The following MAK16 variants were observed in gnomAD, a reference collection of about 807,000 sequenced individuals.
The protein encoded by MAK16 is MAK16 homolog.
Under a neutral mutation model 49.9 loss-of-function variants are expected in MAK16, and 12 were observed. The observed-to-expected ratio is 0.24, with a 90% CI of 0.15 to 0.39. MAK16 has a LOEUF of 0.39. MAK16 is among the 10% of genes least tolerant of loss of function. MAK16 has a pLI of 1.00. For missense variants in MAK16, 292 were observed against 363.7 expected (o/e 0.80, Z 1.60); for synonymous variants, 115 against 126.4 (o/e 0.91, Z 0.60).
chr8:33,487,657 A>C (rs1808709213), intron 1 of MAK16, among the ~76,000 whole-genome samples: 1 of 144,980 alleles, frequency 6.9e-6, no homozygotes, highest in African/African-American at 2.5e-5. Context: ...TCCCAACCTC[A>C]AGTGATCCGC....
chr8:33,488,279 T>G (rs762269699), intron 1 of MAK16, 99 bp from the exon 2 acceptor site: 242 of 1,271,230 alleles, frequency 1.9e-4, no homozygotes, highest in Non-Finnish European at 2.6e-4. Flanking sequence ...TACAAAACAT[T>G]TCTTCCTCTC....
At position 33,499,933 on chromosome 8, in the gene MAK16, C is replaced by G. The variant is rs1289579468; in HGVS notation, c.*1304C>G. On this transcript the variant is annotated 3_prime_UTR_variant, in exon 10 of 10. Coordinates refer to ENST00000360128, the MANE Select transcript of MAK16 (RefSeq NM_032509.4). ...CTAAAAGATGGTTGTCCCTAAAAAACTGGAAACATCTGAAATGCTCTATTT... is the reference window on the plus strand; with the variant it reads ...CTAAAAGATGGTTGTCCCTAAAAAAGTGGAAACATCTGAAATGCTCTATTT... 6.3e-6 allele frequency: 1 copy of G among 157,922 alleles called. No homozygotes were observed. The highest frequency in any genetic ancestry group is 1.4e-5 in the Non-Finnish European group (1 of 72,108). The allele number at this position is 157,922 out of a possible 1,614,324, so 9.8% of individuals were successfully genotyped here. A position where few individuals can be genotyped will look rare whatever the true frequency, so the allele number is the denominator to read the frequency against.
At chr8:33,491,584 A>C (rs1808779142) in intron 6 of MAK16, among the ~76,000 whole-genome samples, 1 of 150,900 alleles carries the variant, frequency 6.6e-6, no homozygotes, top group South Asian at 2.1e-4. Flanking sequence ...TCTTTTGAAA[A>C]ATGTCTACTC....
chr8:33,494,958 C>T (rs1170954434), intron 6 of MAK16, among the ~76,000 whole-genome samples: 1 of 152,024 alleles, frequency 6.6e-6, no homozygotes, highest in Non-Finnish European at 1.5e-5. Context: ...TTCCATGTGC[C>T]CCTACACAGT....
rs1317279710 is a variant in MAK16, at chr8:33,500,092, C to CA, written c.*1464dup. On this transcript the variant is annotated 3_prime_UTR_variant, in exon 10 of 10. Coordinates refer to ENST00000360128, the MANE Select transcript of MAK16 (RefSeq NM_032509.4). The stretch of plus-strand genomic sequence containing the variant: ...GCCCATACTGTCTCGTCCTTAGCCC[C>CA]AGTGACATGTGCTGATCCTCCTGCC... 3 of 470,930 alleles carry CA rather than the reference C, an allele frequency of 6.4e-6. No homozygotes were observed. Among genetic ancestry groups the CA allele is most frequent in the African/African-American group, 5.9e-5 (3 of 50,786 alleles). The allele number at this position is 470,930 out of a possible 1,614,324, so 29.2% of individuals were successfully genotyped here.
chr8:33,490,388 G>A (rs1563346428), intron 6 of MAK16, 49 bp downstream of exon 6: 1 of 1,495,706 alleles, frequency 6.7e-7, no homozygotes, highest in Non-Finnish European at 9.3e-7. Context: ...CTTTCTGGGG[G>A]TCTCTTATAG....
rs953051504 is a variant in MAK16, at chr8:33,499,126, T to G, written c.*497T>G. The G allele has an allele frequency of 1.4e-6, 2 of 1,461,108 alleles. No individual in the cohort carries two copies. Among genetic ancestry groups the G allele is most frequent in the Non-Finnish European group, 1.9e-6 (2 of 1,041,290 alleles). The allele number at this position is 1,461,108 out of a possible 1,614,324, so 90.5% of individuals were successfully genotyped here. On this transcript the variant is annotated 3_prime_UTR_variant, in exon 10 of 10. Transcript: ENST00000360128. ...TCTTAAATAACTCCATTCATACAAATTGGGATGGGAAGAAAATCCTTTCCT... is the reference window on the plus strand; with the variant it reads ...TCTTAAATAACTCCATTCATACAAAGTGGGATGGGAAGAAAATCCTTTCCT...
chr8:33,500,121 A>G lies in MAK16; in HGVS notation c.*1492A>G. ...GACATGTGCTGATCCTCCTGCCTTTAGTTCTAAATGGTTCTGAATAGCTTT... is the reference window on the plus strand; with the variant it reads ...GACATGTGCTGATCCTCCTGCCTTTGGTTCTAAATGGTTCTGAATAGCTTT... On this transcript the variant is annotated 3_prime_UTR_variant, in exon 10 of 10. Transcript: ENST00000360128. The G allele has an allele frequency of 1.8e-6, 1 of 546,622 alleles. No homozygotes were observed. The highest frequency in any genetic ancestry group is 3.2e-5 in the Admixed American group (1 of 31,132). 33.9% of individuals were successfully genotyped at this position (546,622 alleles called of 1,614,324 possible). A position where few individuals can be genotyped will look rare whatever the true frequency, so the allele number is the denominator to read the frequency against.
chr8:33,500,411 G>GT lies in MAK16; in HGVS notation c.*1783dup. Reference sequence around the variant, plus strand: ...AGCAGGGCGCTCTTAACAGACTCAGGTGTAAGGTTTGGATCCCTTGCTACA... The same window carrying GT: ...AGCAGGGCGCTCTTAACAGACTCAGGTTGTAAGGTTTGGATCCCTTGCTACA... On this transcript the variant is annotated 3_prime_UTR_variant, in exon 10 of 10. Transcript: ENST00000360128. 1 of 1,614,184 alleles carries GT rather than the reference G, an allele frequency of 6.2e-7. No individual in the cohort carries two copies. The highest frequency in any genetic ancestry group is 8.5e-7 in the Non-Finnish European group (1 of 1,180,026).
At position 33,500,623 on chromosome 8, in the gene MAK16, G is replaced by T. The variant is rs1585321640; in HGVS notation, c.*1994G>T. On this transcript the variant is annotated 3_prime_UTR_variant, in exon 10 of 10. Coordinates refer to ENST00000360128, the MANE Select transcript of MAK16 (RefSeq NM_032509.4). ...ACTTAGGTCAAAGTTAAATGAAAAA[G>T]ACCTAAAAACAGAACCAAAGACAGC... is the stretch of plus-strand genomic sequence containing the variant. The T allele has an allele frequency of 1.7e-6, 2 of 1,147,400 alleles. No individual in the cohort carries two copies. The highest frequency in any genetic ancestry group is 2.4e-6 in the Non-Finnish European group (2 of 824,682). 71.1% of individuals were successfully genotyped at this position (1,147,400 alleles called of 1,614,324 possible). A position where few individuals can be genotyped will look rare whatever the true frequency, so the allele number is the denominator to read the frequency against.
rs982749025 is a variant in MAK16, at chr8:33,498,915, G to A, written c.*286G>A. On this transcript the variant is annotated 3_prime_UTR_variant, in exon 10 of 10. Coordinates refer to ENST00000360128, the MANE Select transcript of MAK16 (RefSeq NM_032509.4). ...TTGAATCTGGGATGAGATGACGGAT[G>A]TAAATATTTCTAAATTTTAAATGCT... 12 of 578,090 alleles carry A rather than the reference G, an allele frequency of 2.1e-5. No homozygotes were observed. The highest frequency in any genetic ancestry group is 9.4e-5 in the African/African-American group (5 of 53,412). 35.8% of individuals were successfully genotyped at this position (578,090 alleles called of 1,614,324 possible). A position where few individuals can be genotyped will look rare whatever the true frequency, so the allele number is the denominator to read the frequency against.
At position 33,500,382 on chromosome 8, in the gene MAK16, C is replaced by T. The variant is rs775257856; in HGVS notation, c.*1753C>T. The T allele has an allele frequency of 6.8e-6, 11 of 1,614,052 alleles. No homozygotes were observed. The highest frequency in any genetic ancestry group is 9.3e-6 in the Non-Finnish European group (11 of 1,180,024). On this transcript the variant is annotated 3_prime_UTR_variant, in exon 10 of 10. Coordinates refer to ENST00000360128, the MANE Select transcript of MAK16 (RefSeq NM_032509.4). ...GGAGAATCAGGCAGTCTGTGGCCTC[C>T]TGTAGCAGGGCGCTCTTAACAGACT...
At chr8:33,494,274 G>A (rs1019195032) in intron 6 of MAK16, among the ~76,000 whole-genome samples, 2 of 152,012 alleles carry the variant, frequency 1.3e-5, no homozygotes, top group Admixed American at 1.3e-4. Flanking sequence ...GGGGTTTCAC[G>A]ACGTTTGTCA....
chr8:33,490,378 C>A, intron 6 of MAK16, 39 bp downstream of exon 6: 1 of 1,557,004 alleles, frequency 6.4e-7, no homozygotes, highest in Non-Finnish European at 8.8e-7. Context: ...TCTACATTTT[C>A]TTTCTGGGGG....
intron 7 of MAK16, 88 bp downstream of exon 7, chr8:33,495,704 T>TGAGA: frequency 1.9e-5 from 2 of 107,796 alleles, no homozygotes; most frequent in Middle Eastern, 2.3e-3. Context: ...TTTTTTTTTT[T>TGAGA]TTTTTTTTTT....
At chr8:33,495,059 A>G (rs1401066716) in intron 6 of MAK16, among the ~76,000 whole-genome samples, 1 of 152,208 alleles carries the variant, frequency 6.6e-6, no homozygotes, top group Non-Finnish European at 1.5e-5. Context: ...ATCCTGGGCT[A>G]TTGTGTGGTA....
intron 1 of MAK16, among the ~76,000 whole-genome samples, chr8:33,487,961 T>A (rs995912763): frequency 6.6e-6 from 1 of 151,726 alleles, no homozygotes; most frequent in Non-Finnish European, 1.5e-5. Flanking sequence ...GGAGTTTCAC[T>A]CTTGTTGTCC....
At chr8:33,495,680 T>A in intron 7 of MAK16, 64 bp downstream of exon 7, 1 of 669,898 alleles carries the variant, frequency 1.5e-6, no homozygotes, top group Non-Finnish European at 2.3e-6. Context: ...TAAGACATAT[T>A]GGGAATTTTT....
At position 33,489,927 on chromosome 8, in the gene MAK16, T is replaced by G. The variant is rs1047192353; in HGVS notation, c.393-358T>G. On this transcript the variant is annotated intron_variant, in intron 5 of 9. Transcript: ENST00000360128. The surrounding 1 kb of genome is among the most constrained non-coding windows in gnomAD (Gnocchi z 4.2). ...TCAGACTTCGACAGAAAATTCTTTT[T>G]TCTTAGTTCACTGAAGTCTTAATTT... 1.3e-5 allele frequency among the ~76,000 whole-genome samples: 2 copies of G among 152,258 alleles called. No individual in the cohort carries two copies. Among genetic ancestry groups the G allele is most frequent in the Admixed American group, 6.5e-5 (1 of 15,290 alleles).
Sources: gnomAD v4.1 joint callset for allele counts (sites outside exome capture counted in the v4.1 genomes callset) on GRCh38, gnomAD v4.1.1 for gene constraint, Gnocchi (gnomAD v3.1) non-coding constraint, MANE v1.5 for transcripts, NCBI Gene and HGNC (gene_info 2026-07-23, HGNC 2026-07-21) for gene names.